NUP62CL: variants seen among roughly 807,000 people sequenced by gnomAD.
The protein encoded by NUP62CL is nucleoporin 62 C-terminal like, also known as nucleoporin-62 C-terminal-like protein.
Under a neutral mutation model 15.3 loss-of-function variants are expected in NUP62CL, and 13 were observed. The observed-to-expected ratio is 0.85, with a 90% CI of 0.55 to 1.35. The LOEUF (loss-of-function observed/expected upper bound fraction) is 1.35, where lower values mean the gene tolerates loss of function less well. NUP62CL is among the 40% of genes most tolerant of loss of function. NUP62CL has a pLI of 0.00. For missense variants in NUP62CL, 123 were observed against 130.6 expected, an observed-to-expected ratio of 0.94 and a Z score of 0.28; for synonymous variants, 54 against 49.2, an observed-to-expected ratio of 1.10 and a Z score of -0.41.
chrX:107,187,372 TTG>T (rs1927087489), intron 2 of NUP62CL, among the ~76,000 whole-genome samples: 1 of 111,373 alleles, frequency 9.0e-6, no homozygotes, highest in Non-Finnish European at 1.9e-5. Context: ...ATAAAAAAAA[TTG>T]TACAAACAGC....
At chrX:107,134,617 C>T (rs1029575003) in intron 8 of NUP62CL, among the ~76,000 whole-genome samples, 1 of 110,608 alleles carries the variant, frequency 9.0e-6, no homozygotes, top group African/African-American at 3.3e-5. Context: ...CCATGCCCAG[C>T]TTATTTTTGT....
At chrX:107,203,724 A>G (rs1362338036) in intron 1 of NUP62CL, among the ~76,000 whole-genome samples, 2 of 111,888 alleles carry the variant, frequency 1.8e-5, no homozygotes, top group Non-Finnish European at 3.8e-5. Flanking sequence ...AAATAACAAA[A>G]AAGTATATGA....
At chrX:107,159,603 A>G (rs1167097124) in intron 4 of NUP62CL, among the ~76,000 whole-genome samples, 1 of 54,720 alleles carries the variant, frequency 1.8e-5, no homozygotes, top group Non-Finnish European at 3.2e-5. Flanking sequence ...AAAACTCTCA[A>G]TAAATTAGGT....
intron 2 of NUP62CL, among the ~76,000 whole-genome samples, chrX:107,182,247 G>A (rs749351587): frequency 2.7e-5 from 3 of 112,360 alleles, no homozygotes; most frequent in African/African-American, 9.7e-5. Flanking sequence ...GTGGGGGACT[G>A]AACTATGCAC....
chrX:107,144,155 CTG>C (rs1307707525), intron 8 of NUP62CL, among the ~76,000 whole-genome samples: 1 of 111,731 alleles, frequency 9.0e-6, no homozygotes, highest in African/African-American at 3.2e-5. Flanking sequence ...TCTTTTTATC[CTG>C]TGTTTACTTA....
intron 8 of NUP62CL, among the ~76,000 whole-genome samples, chrX:107,139,647 T>C (rs1270050808): frequency 1.8e-5 from 2 of 112,259 alleles, no homozygotes; most frequent in Non-Finnish European, 3.8e-5. Context: ...CTTTTCAGCC[T>C]TCACCGTATG....
intron 2 of NUP62CL, among the ~76,000 whole-genome samples, chrX:107,181,565 T>C (rs1263738024): frequency 9.1e-6 from 1 of 110,410 alleles, no homozygotes; most frequent in Non-Finnish European, 1.9e-5. Flanking sequence ...AAAAAAAAAA[T>C]AGAGGTGGCT....
chrX:107,130,672 G>A (rs944197156), intron 8 of NUP62CL, among the ~76,000 whole-genome samples: 1 of 111,547 alleles, frequency 9.0e-6, no homozygotes, highest in African/African-American at 3.3e-5. Context: ...ATGGAGATTA[G>A]AGGACTCTGG....
intron 1 of NUP62CL, among the ~76,000 whole-genome samples, chrX:107,199,630 A>T (rs1032460603): frequency 8.9e-6 from 1 of 112,187 alleles, no homozygotes; most frequent in African/African-American, 3.2e-5. Context: ...GTTATTGACA[A>T]TCATCAAGTT....
At chrX:107,182,412 T>C (rs1480262795) in intron 2 of NUP62CL, among the ~76,000 whole-genome samples, 1 of 112,246 alleles carries the variant, frequency 8.9e-6, no homozygotes, top group African/African-American at 3.2e-5. Context: ...GGGTTCAATA[T>C]CACAATTTCC....
intron 2 of NUP62CL, among the ~76,000 whole-genome samples, chrX:107,178,648 T>G (rs893264476): frequency 1.8e-5 from 2 of 111,929 alleles, no homozygotes; most frequent in African/African-American, 6.5e-5. Flanking sequence ...CATTCAACTG[T>G]CATGGTGACA....
intron 2 of NUP62CL, among the ~76,000 whole-genome samples, chrX:107,176,880 A>T (rs1926799407): frequency 9.0e-6 from 1 of 111,449 alleles, no homozygotes; most frequent in East Asian, 2.8e-4. Context: ...ATGGAGAAAG[A>T]CTAAATACTT....
At chrX:107,182,016 G>A (rs953783842) in intron 2 of NUP62CL, among the ~76,000 whole-genome samples, 21 of 111,631 alleles carry the variant, frequency 1.9e-4, no homozygotes, top group Non-Finnish European at 2.3e-4. Flanking sequence ...ATTTATGCCC[G>A]TATTTAAAAA....
chrX:107,177,483 T>C (rs1926813598), intron 2 of NUP62CL, among the ~76,000 whole-genome samples: 1 of 111,467 alleles, frequency 9.0e-6, no homozygotes, highest in East Asian at 2.8e-4. Flanking sequence ...TATCCTGAAT[T>C]ATCCAAGTGA....
Position 107,184,292 on chromosome X carries a change from AAGAGAAGAAAGAAAG to A in NUP62CL, c.-48+8722_-48+8736del, listed in dbSNP as rs1212597838. Among the ~76,000 whole-genome samples, 511 of 54,321 alleles carry A rather than the reference AAGAGAAGAAAGAAAG, an allele frequency of 9.4e-3. 12 individuals carry two copies. Among genetic ancestry groups the A allele is most frequent in the African/African-American group, 0.046 (489 of 10,568 alleles). 47.2% of individuals were successfully genotyped at this position (54,321 alleles called of 115,157 possible). ...GAAAAAACCCGCCTCAGCACAAAAA[AAGAGAAGAAAGAAAG>A]AAAGAAAGAAAGAAAGAAAGAAAGA... On this transcript the variant is annotated intron_variant, in intron 2 of 8. Transcript: ENST00000372466.
At chrX:107,180,960 T>C (rs1267884411) in intron 2 of NUP62CL, among the ~76,000 whole-genome samples, 3 of 102,696 alleles carry the variant, frequency 2.9e-5, no homozygotes, top group African/African-American at 1.1e-4. Context: ...TGTCACCCAG[T>C]TGGAGTGGTG....
At chrX:107,151,413 C>T (rs1926007133) in intron 7 of NUP62CL, among the ~76,000 whole-genome samples, 1 of 110,148 alleles carries the variant, frequency 9.1e-6, no homozygotes, top group Non-Finnish European at 1.9e-5. Context: ...CTTCATCAGG[C>T]AAAAAAGATG....
At chrX:107,171,185 C>T (rs930750712) in intron 3 of NUP62CL, among the ~76,000 whole-genome samples, 4 of 111,720 alleles carry the variant, frequency 3.6e-5, no homozygotes, top group African/African-American at 9.8e-5. Context: ...GATACAGATG[C>T]TTGAAAGCTG....
intron 4 of NUP62CL, among the ~76,000 whole-genome samples, chrX:107,154,664 G>T (rs1008073155): frequency 3.6e-5 from 4 of 111,300 alleles, no homozygotes; most frequent in African/African-American, 1.3e-4. Flanking sequence ...CCACAAGAGA[G>T]TGGGCATTCC....
Sources: gnomAD v4.1 joint callset for allele counts (sites outside exome capture counted in the v4.1 genomes callset) on GRCh38, gnomAD v4.1.1 for gene constraint, MANE v1.5 for transcripts, NCBI Gene and HGNC (gene_info 2026-07-23, HGNC 2026-07-21) for gene names.